ADAM10: variants seen among roughly 807,000 people sequenced by gnomAD.
ADAM10 encodes disintegrin and metalloproteinase domain-containing protein 10.
ADAM10 carries 17 observed loss-of-function variants against 90.1 expected under a neutral mutation model. The observed-to-expected ratio is 0.19, with a 90% CI of 0.13 to 0.28. ADAM10 has a LOEUF of 0.28. ADAM10 is among the 10% of genes least tolerant of loss of function. The pLI, the probability that ADAM10 is intolerant of heterozygous loss-of-function variation, is 1.00. For missense variants in ADAM10, 610 were observed against 914.3 expected, an observed-to-expected ratio of 0.67 and a Z score of 4.29; for synonymous variants, 310 against 298.6, an observed-to-expected ratio of 1.04 and a Z score of -0.40.
chr15:58,662,391 G>A (rs1205837295), intron 5 of ADAM10, among the ~76,000 whole-genome samples: 1 of 152,118 alleles, frequency 6.6e-6, no homozygotes, highest in African/African-American at 2.4e-5. Context: ...GGGGTGCCAT[G>A]GCACAATCAT....
At chr15:58,666,949 T>C (rs748279454) in intron 4 of ADAM10, among the ~76,000 whole-genome samples, 54 of 152,144 alleles carry the variant, frequency 3.5e-4, no homozygotes, top group Non-Finnish European at 1.5e-4. Flanking sequence ...TTCTAAAAGA[T>C]GCTGTTTTCC....
At chr15:58,641,020 G>T in intron 7 of ADAM10, 60 bp from the exon 8 acceptor site, 1 of 1,460,870 alleles carries the variant, frequency 6.8e-7, no homozygotes, top group Non-Finnish European at 9.6e-7. Context: ...TAGTGTGAAT[G>T]TCTGCTCACC....
Position 58,679,106 on chromosome 15 carries a change from TA to T in ADAM10, c.484+17del, listed in dbSNP as rs1334113890. 1 of 1,610,812 alleles carries T rather than the reference TA, an allele frequency of 6.2e-7. No homozygotes were observed. The highest frequency in any genetic ancestry group is 1.7e-5 in the Admixed American group (1 of 59,908). On this transcript the variant is annotated intron_variant, in intron 4 of 15. Transcript: ENST00000260408. ...ATGCCTTTTGAAAAAGGCTACTTGA[TA>T]AAACTTAAGTACTTACTAATATCAT...
At chr15:58,636,881 T>A (rs1246321616) in intron 8 of ADAM10, among the ~76,000 whole-genome samples, 2 of 152,190 alleles carry the variant, frequency 1.3e-5, no homozygotes, top group Non-Finnish European at 2.9e-5. Context: ...CAGACCATAG[T>A]AATACTCCCA....
intron 1 of ADAM10, among the ~76,000 whole-genome samples, chr15:58,728,873 G>A (rs1013050585): frequency 3.3e-5 from 5 of 152,144 alleles, no homozygotes; most frequent in Non-Finnish European, 5.9e-5. Context: ...ACTGTAGTTT[G>A]CTAATAGGAC....
chr15:58,602,502 C>T (rs1399318992), intron 14 of ADAM10, among the ~76,000 whole-genome samples: 1 of 152,118 alleles, frequency 6.6e-6, no homozygotes, highest in East Asian at 1.9e-4. Flanking sequence ...ACTATAGCTC[C>T]CCAACTTTGG....
At chr15:58,726,290 G>C (rs1027260958) in intron 1 of ADAM10, among the ~76,000 whole-genome samples, 16 of 152,086 alleles carry the variant, frequency 1.1e-4, no homozygotes, top group African/African-American at 3.9e-4. Flanking sequence ...CAATAGCAGA[G>C]ATAAAATTGA....
intron 1 of ADAM10, among the ~76,000 whole-genome samples, chr15:58,727,456 G>A (rs1283375155): frequency 2.6e-5 from 4 of 151,990 alleles, no homozygotes; most frequent in Non-Finnish European, 5.9e-5. Flanking sequence ...CTCCCAAAGT[G>A]CTGGGATTAC....
intron 11 of ADAM10, among the ~76,000 whole-genome samples, chr15:58,619,333 T>TA (rs1895711386): frequency 6.6e-6 from 1 of 151,878 alleles, no homozygotes; most frequent in Non-Finnish European, 1.5e-5. Flanking sequence ...ATGAGAAGGG[T>TA]AGTGGAGAGG....
At chr15:58,743,465 G>T (rs1452837931) in intron 1 of ADAM10, among the ~76,000 whole-genome samples, 1 of 152,042 alleles carries the variant, frequency 6.6e-6, no homozygotes, top group Non-Finnish European at 1.5e-5. Flanking sequence ...ATTAAAGACA[G>T]ACAAGAAATT....
chr15:58,705,240 G>C (rs1279275923), intron 2 of ADAM10, among the ~76,000 whole-genome samples: 1 of 152,122 alleles, frequency 6.6e-6, no homozygotes, highest in African/African-American at 2.4e-5. Flanking sequence ...ATTTCCTTGA[G>C]GAGGTAAGAT....
intron 5 of ADAM10, among the ~76,000 whole-genome samples, chr15:58,652,533 A>G (rs1416810416): frequency 1.3e-5 from 2 of 152,124 alleles, no homozygotes; most frequent in Non-Finnish European, 2.9e-5. Context: ...GCACCATTGT[A>G]AAAAATGCAC....
At chr15:58,724,678 T>C (rs1567013415) in intron 1 of ADAM10, among the ~76,000 whole-genome samples, 1 of 152,014 alleles carries the variant, frequency 6.6e-6, no homozygotes. Flanking sequence ...CAAGTGGGGG[T>C]TCCCTAAGGG....
At chr15:58,644,420 G>C (rs1896496941) in intron 6 of ADAM10, among the ~76,000 whole-genome samples, 1 of 151,950 alleles carries the variant, frequency 6.6e-6, no homozygotes, top group Non-Finnish European at 1.5e-5. Context: ...AGTAAAGACA[G>C]GTTTCACTAT....
In ADAM10 at chr15:58,605,923, T is replaced by C. The variant is rs148712961; in HGVS notation, c.2025+4374A>G. 2.0e-3 allele frequency among the ~76,000 whole-genome samples: 300 copies of C among 152,186 alleles called. 1 individual carries two copies. Among genetic ancestry groups the C allele is most frequent in the African/African-American group, 6.7e-3 (280 of 41,534 alleles). On this transcript the variant is annotated intron_variant, in intron 14 of 15. Transcript: ENST00000260408. ...AATCTAAATATAAACAAAAAGAACCTATATGGTAACAAAATGACAAAGCAA... is the reference window on the plus strand; with the variant it reads ...AATCTAAATATAAACAAAAAGAACCCATATGGTAACAAAATGACAAAGCAA...
In ADAM10 at chr15:58,698,995, T is replaced by C. The variant is rs138522247; in HGVS notation, c.207-16681A>G. On this transcript the variant is annotated intron_variant, in intron 2 of 15. Transcript: ENST00000260408. ...AAAAGGTCTCTGCCAAGGCACATTA[T>C]AGTCAAACTGTGAAAAGTCAAAGAC... Among the ~76,000 whole-genome samples, 1,071 of 152,300 alleles carry C rather than the reference T, an allele frequency of 7.0e-3. 15 individuals are homozygous for C. The highest frequency in any genetic ancestry group is 0.025 in the African/African-American group (1,024 of 41,554).
rs139801060 is a variant in ADAM10, at chr15:58,597,878, A to G, written c.2153-237T>C. ...AATATAGCCAAAGTGTTATCATTTCAATATATAATCAATACAAAAATTACT... is the reference window on the plus strand; with the variant it reads ...AATATAGCCAAAGTGTTATCATTTCGATATATAATCAATACAAAAATTACT... On this transcript the variant is annotated intron_variant, in intron 15 of 15. Coordinates refer to ENST00000260408, the MANE Select transcript of ADAM10 (RefSeq NM_001110.4). 6.9e-3 allele frequency among the ~76,000 whole-genome samples: 1,049 copies of G among 152,192 alleles called. 15 individuals carry two copies. The highest frequency in any genetic ancestry group is 0.024 in the African/African-American group (1,003 of 41,558).
At chr15:58,679,354 A>G in intron 3 of ADAM10, 72 bp from the exon 4 acceptor site, 1 of 1,334,326 alleles carries the variant, frequency 7.5e-7, no homozygotes. Context: ...ATATATATGT[A>G]TATATGTGTG....
chr15:58,735,729 A>C (rs1329271394), intron 1 of ADAM10, among the ~76,000 whole-genome samples: 1 of 152,196 alleles, frequency 6.6e-6, no homozygotes, highest in African/African-American at 2.4e-5. Context: ...ATTCACAGAC[A>C]CAGAGGGTCA....
Sources: gnomAD v4.1 joint callset for allele counts (sites outside exome capture counted in the v4.1 genomes callset) on GRCh38, gnomAD v4.1.1 for gene constraint, MANE v1.5 for transcripts, NCBI Gene and HGNC (gene_info 2026-07-23, HGNC 2026-07-21) for gene names.